SLC7A4: variants seen among roughly 807,000 people sequenced by gnomAD.
The protein encoded by SLC7A4 is solute carrier family 7 member 4, also known as cationic amino acid transporter 4.
SLC7A4 carries 30 observed loss-of-function variants against 37.8 expected under a neutral mutation model. The observed-to-expected ratio is 0.79, with a 90% CI of 0.59 to 1.08. The LOEUF (loss-of-function observed/expected upper bound fraction) is 1.08. Among genes scored for constraint, SLC7A4 ranks in the 50% least tolerant of loss-of-function variants. SLC7A4 has a pLI of 0.00. For missense variants in SLC7A4, 839 were observed against 843.2 expected (o/e 1.00, Z 0.06); for synonymous variants, 359 against 376.5 (o/e 0.95, Z 0.54).
At chr22:21,030,682 A>G in intron 2 of SLC7A4, 149 bp downstream of exon 2, 2 of 990,330 alleles carry the variant, frequency 2.0e-6, no homozygotes, top group Non-Finnish European at 2.9e-6. Context: ...ACTTTTTTTG[A>G]AGTGAAGAGT....
Position 21,031,648 on chromosome 22 carries a change from G to C in SLC7A4, c.165C>G (p.Leu55=). 3.7e-6 allele frequency: 6 copies of C among 1,612,694 alleles called. No homozygotes were observed. The highest frequency in any genetic ancestry group is 5.1e-6 in the Non-Finnish European group (6 of 1,179,474). ...TGGCCACGGCACCTGTGAGCACGTA[G>C]AGACCCGAGCCCACCATGCCACCCA... is the stretch of plus-strand genomic sequence containing the variant. The part of the protein sequence containing the change: ...LGVGGMVGSG[L]YVLTGAVAKE... The change falls in exon 2 of 5, where the codon CTC becomes CTG. Residue 55 remains leucine, a synonymous_variant. Transcript: ENST00000382932.
At position 21,028,765 on chromosome 22, in the gene SLC7A4, C is replaced by A; in HGVS notation, c.*290G>T. The A allele has an allele frequency of 2.8e-6, 1 of 352,128 alleles. No individual in the cohort carries two copies. The highest frequency in any genetic ancestry group is 5.1e-6 in the Non-Finnish European group (1 of 195,392). The allele number at this position is 352,128 out of a possible 1,614,324, so 21.8% of individuals were successfully genotyped here. A position where few individuals can be genotyped will look rare whatever the true frequency, so the allele number is the denominator to read the frequency against. ...GGCCAAGCAATTATTATTATGGATC[C>A]CTTGGGCTGTGGGCCTTCCCATCCA... On this transcript the variant is annotated 3_prime_UTR_variant, in exon 5 of 5. Transcript: ENST00000382932.
Position 21,029,347 on chromosome 22 carries a change from C to T in SLC7A4, c.1721G>A (p.Trp574Ter), listed in dbSNP as rs943638979. The change falls in exon 4 of 5, where the codon TGG (tryptophan) becomes TAG (stop). Residue 574 changes from tryptophan to a stop codon, truncating the protein, a stop_gained. Coordinates refer to ENST00000382932, the MANE Select transcript of SLC7A4 (RefSeq NM_004173.3). LOFTEE classifies it high-confidence loss of function. The part of the protein sequence containing the change: ...SYLTWVRFSI[W>*]LLMGLAVYFG... ...TGGCCCCCACTCACCCATCAGCAGCCAGATGGAGAAGCGCACCCAGGTCAG... is the reference window on the plus strand; with the variant it reads ...TGGCCCCCACTCACCCATCAGCAGCTAGATGGAGAAGCGCACCCAGGTCAG... 3.7e-6 allele frequency: 6 copies of T among 1,613,574 alleles called. No individual in the cohort carries two copies. Among genetic ancestry groups the T allele is most frequent in the Non-Finnish European group, 5.1e-6 (6 of 1,179,852 alleles).
In SLC7A4 at chr22:21,031,245, C is replaced by CG; in HGVS notation, c.567dup (p.Val190ArgfsTer36). The stretch of plus-strand genomic sequence containing the variant: ...AAGGTGTGATTGAGCCAGGAGGACA[C>CG]GCGGGCTCCACAGGAGACAAAGGCA... On this transcript the variant is annotated frameshift_variant, in exon 2 of 5. Transcript: ENST00000382932. LOFTEE classifies it high-confidence loss of function. 1 of 1,613,468 alleles carries CG rather than the reference C, an allele frequency of 6.2e-7. No individual in the cohort carries two copies.
In SLC7A4 at chr22:21,029,009, C is replaced by T. The variant is rs1190606105; in HGVS notation, c.*46G>A. On this transcript the variant is annotated 3_prime_UTR_variant, in exon 5 of 5. Transcript: ENST00000382932. ...CTCTCGGCTTGTCTGGCCTCTCTGG[C>T]CTCCCAAGCAGGTGTGGGAGGGCGG... The T allele has an allele frequency of 1.3e-6, 2 of 1,543,304 alleles. No homozygotes were observed. The highest frequency in any genetic ancestry group is 1.2e-5 in the South Asian group (1 of 81,028).
In SLC7A4 at chr22:21,029,381, G is replaced by A; in HGVS notation, c.1687C>T (p.Leu563Phe). 1 of 1,613,872 alleles carries A rather than the reference G, an allele frequency of 6.2e-7. No homozygotes were observed. Among genetic ancestry groups the A allele is most frequent in the Non-Finnish European group, 8.5e-7 (1 of 1,180,000 alleles). ...AAGCGCACCCAGGTCAGATAGCTAAGTTTCAGCATGAGGCAGATGTTGAGG... is the reference window on the plus strand; with the variant it reads ...AAGCGCACCCAGGTCAGATAGCTAAATTTCAGCATGAGGCAGATGTTGAGG... ...IVLNICLMLK[L>F]SYLTWVRFSI... The change falls in exon 4 of 5, where the codon CTT becomes TTT. Residue 563 changes from leucine to phenylalanine, a missense_variant. Transcript: ENST00000382932.
At chr22:21,032,052 C>T (rs1928906240) in intron 1 of SLC7A4, among the ~76,000 whole-genome samples, 200 bp from the exon 2 acceptor site, 1 of 152,222 alleles carries the variant, frequency 6.6e-6, no homozygotes, top group African/African-American at 2.4e-5. Context: ...CCTGGAGGCC[C>T]TGTCTGCATC....
rs1005019688 is a variant in SLC7A4 at position 21,029,141 on chromosome 22, A to G, written c.1822T>C (p.Phe608Leu). ...GTCTCCTCCAGGCTGCCCCTGGGGA[A>G]TACCACGTAGTGTGTGGAGTTCAGC... Reference protein sequence around the residue: ...PGLNSTHYVVFPRGSLEETVQ... With the variant: ...PGLNSTHYVVLPRGSLEETVQ... The change falls in exon 5 of 5, where the codon TTC becomes CTC. Residue 608 changes from phenylalanine to leucine, a missense_variant. Physicochemically the swap from Phe to Leu is conservative, Grantham distance 22. Coordinates refer to ENST00000382932, the MANE Select transcript of SLC7A4 (RefSeq NM_004173.3). 2 of 1,613,948 alleles carry G rather than the reference A, an allele frequency of 1.2e-6. No homozygotes were observed. Among genetic ancestry groups the G allele is most frequent in the Non-Finnish European group, 1.7e-6 (2 of 1,180,004 alleles).
rs1275462707 is a variant in SLC7A4, at chr22:21,030,968, G to A, written c.845C>T (p.Ala282Val). 4 of 1,613,986 alleles carry A rather than the reference G, an allele frequency of 2.5e-6. No homozygotes were observed. Among genetic ancestry groups the A allele is most frequent in the Non-Finnish European group, 3.4e-6 (4 of 1,179,970 alleles). ...TAGCACGGTGGAGACAAGGATGTAG[G>A]CACCAGCTGCAATGGCAAGCGAGAT... is the stretch of plus-strand genomic sequence containing the variant. ...IAISLAIAAG[A>V]YILVSTVLTL... Residue 282 changes from alanine (A) to valine (V), a missense_variant, in exon 2 of 5, where the codon GCC becomes GTC. Transcript: ENST00000382932.
intron 4 of SLC7A4, 47 bp downstream of exon 4, chr22:21,029,289 C>T (rs759511797): frequency 1.2e-6 from 2 of 1,612,144 alleles, no homozygotes; most frequent in Admixed American, 1.7e-5. Flanking sequence ...CCTTCCTGTC[C>T]TCTTTGCCCT....
chr22:21,031,138 G>A lies in SLC7A4; in HGVS notation c.675C>T (p.Asp225=), dbSNP rs80061703. 7.4e-6 allele frequency: 12 copies of A among 1,613,556 alleles called. No individual in the cohort carries two copies. Among genetic ancestry groups the A allele is most frequent in the Admixed American group, 3.3e-5 (2 of 59,994 alleles). The change falls in exon 2 of 5, where the codon GAC becomes GAT. Residue 225 remains aspartate, a synonymous_variant. Transcript: ENST00000382932. ...ILAQPHNWSA[D]EGGFAPFGFS... is the part of the protein sequence containing the mutation. ...AGCCGAAGGGTGCAAAGCCGCCTTC[G>A]TCAGCGCTCCAGTTGTGAGGCTGGG... is the stretch of plus-strand genomic sequence containing the variant.
At chr22:21,029,581 AG>A in intron 3 of SLC7A4, 129 bp downstream of exon 3, 2 of 1,152,566 alleles carry the variant, frequency 1.7e-6, no homozygotes, top group Non-Finnish European at 2.5e-6. Context: ...CTCACCATGC[AG>A]AAAGGGGTGC....
In SLC7A4 at chr22:21,031,433, AT is replaced by A; in HGVS notation, c.379del (p.Ile127SerfsTer164). On this transcript the variant is annotated frameshift_variant, in exon 2 of 5. Coordinates refer to ENST00000382932, the MANE Select transcript of SLC7A4 (RefSeq NM_004173.3). LOFTEE classifies it high-confidence loss of function. ...ACGGGCCACGGCGGCGCCACCGATG[AT>A]GTATTCGAGGAGAACATTCCAGCCG... is the stretch of plus-strand genomic sequence containing the variant. ...LIGWNVLLEY[I>X]IGGAAVARAW... is the part of the protein sequence containing the mutation. 6.2e-7 allele frequency: 1 copy of A among 1,601,602 alleles called. No individual in the cohort carries two copies. The highest frequency in any genetic ancestry group is 1.1e-5 in the South Asian group (1 of 88,792).
chr22:21,031,834 C>T lies in SLC7A4; in HGVS notation c.-22G>A. On this transcript the variant is annotated 5_prime_UTR_variant, in exon 2 of 5. In the 5' UTR this introduces an upstream ATG that the reference lacks. Coordinates refer to ENST00000382932, the MANE Select transcript of SLC7A4 (RefSeq NM_004173.3). The stretch of plus-strand genomic sequence containing the variant: ...CCATGGCAGGTGGCCGAGAAGAGCA[C>T]CGAGCCAGCTACTGGAACCTGCTAG... 2 of 1,473,098 alleles carry T rather than the reference C, an allele frequency of 1.4e-6. No individual in the cohort carries two copies. The highest frequency in any genetic ancestry group is 1.4e-5 in the South Asian group (1 of 70,026). 91.3% of individuals were successfully genotyped at this position (1,473,098 alleles called of 1,614,324 possible). A position where few individuals can be genotyped will look rare whatever the true frequency, so the allele number is the denominator to read the frequency against.
chr22:21,029,356 A>G lies in SLC7A4; in HGVS notation c.1712T>C (p.Phe571Ser). 1 of 1,613,684 alleles carries G rather than the reference A, an allele frequency of 6.2e-7. No homozygotes were observed. Among genetic ancestry groups the G allele is most frequent in the Non-Finnish European group, 8.5e-7 (1 of 1,179,876 alleles). ...CTCACCCATCAGCAGCCAGATGGAG[A>G]AGCGCACCCAGGTCAGATAGCTAAG... ...LKLSYLTWVRFSIWLLMGLAV... is the reference protein window; with the variant it reads ...LKLSYLTWVRSSIWLLMGLAV... Residue 571 changes from phenylalanine to serine, a missense_variant, in exon 4 of 5, where the codon TTC (phenylalanine) becomes TCC (serine). By Grantham distance (155) the Phe-to-Ser change is radical. Coordinates refer to ENST00000382932, the MANE Select transcript of SLC7A4 (RefSeq NM_004173.3).
At chr22:21,030,579 C>T (rs1447249240) in intron 2 of SLC7A4, among the ~76,000 whole-genome samples, 1 of 152,144 alleles carries the variant, frequency 6.6e-6, no homozygotes, top group East Asian at 1.9e-4. Flanking sequence ...AGGGCTGAGT[C>T]CCTCTGCCTA....
rs777113536 is a variant in SLC7A4, at chr22:21,029,132, C to T, written c.1831G>A (p.Gly611Ser). ...NSTHYVVFPRGSLEETVQAMQ... is the reference protein window; with the variant it reads ...NSTHYVVFPRSSLEETVQAMQ... ...GCCTGCACTGTCTCCTCCAGGCTGC[C>T]CCTGGGGAATACCACGTAGTGTGTG... The change falls in exon 5 of 5, where the codon GGC becomes AGC. Residue 611 changes from glycine (G) to serine (S), a missense_variant. Physicochemically the swap from Gly to Ser is moderately conservative, Grantham distance 56 (BLOSUM62 0). Coordinates refer to ENST00000382932, the MANE Select transcript of SLC7A4 (RefSeq NM_004173.3). 2 of 1,613,718 alleles carry T rather than the reference C, an allele frequency of 1.2e-6. No individual in the cohort carries two copies. The highest frequency in any genetic ancestry group is 8.5e-7 in the Non-Finnish European group (1 of 1,179,982).
rs527242908 is a variant in SLC7A4, at chr22:21,031,258, G to A, written c.555C>T (p.Ser185=). Residue 185 remains serine, a synonymous_variant, in exon 2 of 5, where the codon TCC becomes TCT. Transcript: ENST00000382932. ...GIILLASAFV[S]CGARVSSWLN... ...GCCAGGAGGACACGCGGGCTCCACAGGAGACAAAGGCAGAGGCCAGGAGGA... is the reference window on the plus strand; with the variant it reads ...GCCAGGAGGACACGCGGGCTCCACAAGAGACAAAGGCAGAGGCCAGGAGGA... The A allele has an allele frequency of 4.8e-4, 774 of 1,613,202 alleles. 7 individuals are homozygous for A. In the South Asian group the frequency reaches 7.2e-3, roughly 15 times the overall value.
In SLC7A4 at chr22:21,031,212, T is replaced by C. The variant is rs771056565; in HGVS notation, c.601A>G (p.Ile201Val). 2 of 1,613,806 alleles carry C rather than the reference T, an allele frequency of 1.2e-6. No individual in the cohort carries two copies. The highest frequency in any genetic ancestry group is 2.2e-5 in the South Asian group (2 of 91,078). The change falls in exon 2 of 5, where the codon ATC (isoleucine) becomes GTC (valine). Residue 201 changes from isoleucine (I) to valine (V), a missense_variant. Coordinates refer to ENST00000382932, the MANE Select transcript of SLC7A4 (RefSeq NM_004173.3). ...SSWLNHTFSA[I>V]SLLVILFIVI... ...ATGAAGAGAATGACAAGCAGGCTGA[T>C]GGCCGAGAAGGTGTGATTGAGCCAG... is the stretch of plus-strand genomic sequence containing the variant.
Sources: allele counts gnomAD v4.1 joint callset (sites outside exome capture counted in the v4.1 genomes callset), GRCh38; gene constraint gnomAD v4.1.1; transcripts MANE v1.5; gene names NCBI Gene and HGNC (gene_info 2026-07-23, HGNC 2026-07-21).